The following FAT3 variants were observed in gnomAD, a reference collection of about 807,000 sequenced individuals.
FAT3 encodes the protein protocadherin Fat 3.
Under a neutral mutation model 310.2 loss-of-function variants are expected in FAT3, and 95 were observed. The observed-to-expected ratio is 0.31, with a 90% CI of 0.26 to 0.36. The LOEUF is 0.36. Among genes scored for constraint, FAT3 ranks in the 10% least tolerant of loss-of-function variants. The pLI, the probability that FAT3 is intolerant of heterozygous loss-of-function variation, is 1.00. For synonymous variants in FAT3, 2,314 were observed against 2,192.9 expected (o/e 1.06, Z -1.54); for missense variants, 5,408 against 5,715.6 (o/e 0.95, Z 1.74).
At chr11:92,255,634 C>G (rs1865288316) in intron 1 of FAT3, among the ~76,000 whole-genome samples, 1 of 152,066 alleles carries the variant, frequency 6.6e-6, no homozygotes. Flanking sequence ...TCCTCCTGTG[C>G]CAGTCTTCAG....
chr11:92,525,312 C>T (rs549769532), intron 3 of FAT3, among the ~76,000 whole-genome samples: 8 of 152,176 alleles, frequency 5.3e-5, no homozygotes, highest in Non-Finnish European at 1.2e-4. Flanking sequence ...TGTGATGCCT[C>T]TACCTCTAGA....
chr11:92,679,150 A>T (rs1216418647), intron 3 of FAT3, among the ~76,000 whole-genome samples: 1 of 152,206 alleles, frequency 6.6e-6, no homozygotes, highest in African/African-American at 2.4e-5. Flanking sequence ...TTATGGCTGA[A>T]TAGTATTCCA....
chr11:92,769,828 C>G (rs547881442), intron 6 of FAT3, among the ~76,000 whole-genome samples: 4 of 152,278 alleles, frequency 2.6e-5, no homozygotes, highest in Admixed American at 2.6e-4. Flanking sequence ...AAACTTTGGG[C>G]TCCAGGCTGC....
intron 1 of FAT3, among the ~76,000 whole-genome samples, chr11:92,309,121 T>C (rs1947220742): frequency 6.6e-6 from 1 of 152,132 alleles, no homozygotes; most frequent in Non-Finnish European, 1.5e-5. Flanking sequence ...ATCCAGTTGC[T>C]TATTTCAATT....
At chr11:92,711,911 C>A (rs1008659863) in intron 4 of FAT3, among the ~76,000 whole-genome samples, 2 of 152,162 alleles carry the variant, frequency 1.3e-5, no homozygotes, top group African/African-American at 4.8e-5. Flanking sequence ...CACCTTTTCA[C>A]AAAAGTACAA....
Position 92,844,197 on chromosome 11 carries a change from C to T in FAT3, c.10830C>T (p.Gly3610=). 1 of 1,613,992 alleles carries T rather than the reference C, an allele frequency of 6.2e-7. No individual in the cohort carries two copies. The highest frequency in any genetic ancestry group is 8.5e-7 in the Non-Finnish European group (1 of 1,179,900). ...ATGGGAAAATCATCGCCCTGGGAGG[C>T]CTGGACAGCGGCAAGTATGTCCTGA... is the stretch of plus-strand genomic sequence containing the variant. ...SHDGKIIALG[G]LDSGKYVLNV... is the part of the protein sequence containing the mutation. The change falls in exon 19 of 28, where the codon GGC becomes GGT. Residue 3610 remains glycine (G), a synonymous_variant. Coordinates refer to ENST00000525166, the MANE Select transcript of FAT3 (RefSeq NM_001367949.2).
chr11:92,847,571 C>G (rs2136299314), intron 19 of FAT3, among the ~76,000 whole-genome samples: 1 of 152,312 alleles, frequency 6.6e-6, no homozygotes, highest in African/African-American at 2.4e-5. Flanking sequence ...CTCTCAGACT[C>G]CTGTGTGCAT....
At chr11:92,309,208 C>G (rs1312752511) in intron 1 of FAT3, among the ~76,000 whole-genome samples, 5 of 145,082 alleles carry the variant, frequency 3.4e-5, no homozygotes, top group Non-Finnish European at 7.5e-5. Flanking sequence ...AACTGCTGCC[C>G]CAGAGTGCAC....
chr11:92,755,917 A>G (rs1419607494), intron 4 of FAT3, among the ~76,000 whole-genome samples: 33 of 152,242 alleles, frequency 2.2e-4, no homozygotes, highest in Admixed American at 2.2e-3. Flanking sequence ...CCTAAAAGGT[A>G]CTGGATAAAT....
At position 92,774,085 on chromosome 11, in the gene FAT3, A is replaced by G. The variant is rs771392581; in HGVS notation, c.4240A>G (p.Thr1414Ala). 9 of 1,613,782 alleles carry G rather than the reference A, an allele frequency of 5.6e-6. No homozygotes were observed. The highest frequency in any genetic ancestry group is 2.5e-6 in the Non-Finnish European group (3 of 1,179,714). Residue 1414 changes from threonine (T) to alanine (A), a missense_variant, in exon 7 of 28, where the codon ACA becomes GCA. Physicochemically the swap from Thr to Ala is moderately conservative, Grantham distance 58 (BLOSUM62 0). Transcript: ENST00000525166. ...TTTTGATGCAGAGAAGGGTGTTGGG[A>G]CAATTGTCATCGCAAAACCTTTGGA... is the stretch of plus-strand genomic sequence containing the variant. Reference protein sequence around the residue: ...SAFDAEKGVGTIVIAKPLDAE... With the variant: ...SAFDAEKGVGAIVIAKPLDAE...
intron 2 of FAT3, among the ~76,000 whole-genome samples, chr11:92,358,634 T>C (rs1948798906): frequency 6.6e-6 from 1 of 152,170 alleles, no homozygotes; most frequent in South Asian, 2.1e-4. Flanking sequence ...TTGTAGATTT[T>C]AGAATCTAAG....
At chr11:92,664,522 T>G (rs534464669) in intron 3 of FAT3, among the ~76,000 whole-genome samples, 1 of 152,190 alleles carries the variant, frequency 6.6e-6, no homozygotes, top group African/African-American at 2.4e-5. Context: ...TTGCCTTTTG[T>G]TATTCTATAA....
intron 13 of FAT3, among the ~76,000 whole-genome samples, chr11:92,819,928 T>C (rs1266511557): frequency 6.6e-6 from 1 of 152,212 alleles, no homozygotes; most frequent in Non-Finnish European, 1.5e-5. Flanking sequence ...TCCTCCGTTA[T>C]GGTAGCAGCC....
chr11:92,721,132 A>G (rs924965281), intron 4 of FAT3, among the ~76,000 whole-genome samples: 8 of 152,206 alleles, frequency 5.3e-5, no homozygotes, highest in Non-Finnish European at 1.2e-4. Context: ...TTGTCCCCCA[A>G]TACCATGTGT....
In FAT3 at chr11:92,501,566, A is replaced by G. The variant is rs567288759; in HGVS notation, c.3293-23068A>G. ...AGTAACTACTTTAAGGAATTTCAAC[A>G]GTCATTTGTGTGTGTGGGAAGTGCG... is the stretch of plus-strand genomic sequence containing the variant. On this transcript the variant is annotated intron_variant, in intron 2 of 27. Coordinates refer to ENST00000525166, the MANE Select transcript of FAT3 (RefSeq NM_001367949.2). Among the ~76,000 whole-genome samples, 37 of 152,138 alleles carry G rather than the reference A, an allele frequency of 2.4e-4. No individual in the cohort carries two copies. The East Asian group carries it at 7.2e-3, about 30-fold the overall frequency.
chr11:92,446,262 C>T lies in FAT3; in HGVS notation c.3293-78372C>T, dbSNP rs542866490. ...CAAAATAGCCCTAGGTGATACTATT[C>T]CCTAGTATACATGGGAATGTGTTAC... On this transcript the variant is annotated intron_variant, in intron 2 of 27. Transcript: ENST00000525166. Among the ~76,000 whole-genome samples the T allele has an allele frequency of 2.0e-4, 30 of 152,208 alleles. No individual in the cohort carries two copies. The South Asian group carries it at 3.5e-3, about 18-fold the overall frequency.
At chr11:92,658,370 C>A (rs1942655240) in intron 3 of FAT3, among the ~76,000 whole-genome samples, 1 of 152,178 alleles carries the variant, frequency 6.6e-6, no homozygotes, top group Non-Finnish European at 1.5e-5. Flanking sequence ...ACACTGGCCG[C>A]ATTTCATGTG....
chr11:92,366,234 C>G (rs1949018401), intron 2 of FAT3, among the ~76,000 whole-genome samples: 1 of 152,206 alleles, frequency 6.6e-6, no homozygotes, highest in South Asian at 2.1e-4. Context: ...TACCTTTCGA[C>G]TCTCTTGGAC....
chr11:92,711,026 G>C (rs1944503156), intron 4 of FAT3, among the ~76,000 whole-genome samples: 1 of 152,096 alleles, frequency 6.6e-6, no homozygotes. Context: ...CATGTTCATT[G>C]TAAGAAAATT....
Sources: allele counts gnomAD v4.1 joint callset (sites outside exome capture counted in the v4.1 genomes callset), GRCh38; gene constraint gnomAD v4.1.1; transcripts MANE v1.5; gene names NCBI Gene and HGNC (gene_info 2026-07-23, HGNC 2026-07-21).